Variants in OR8G5 observed in about 807,000 individuals in gnomAD.
OR8G5 encodes olfactory receptor family 8 subfamily G member 5, also known as olfactory receptor 8G5.
For missense variants in OR8G5, 347 were observed against 371.9 expected (o/e 0.93, Z 0.55); for synonymous variants, 147 against 147.7 (o/e 1.00, Z 0.03).
chr11:124,259,622 A>G (rs12807551), intron 1 of OR8G5, among the ~76,000 whole-genome samples: 55,407 of 151,860 alleles, frequency 0.36, 10,392 homozygotes, highest in East Asian at 0.47. Context: ...TTTGTTTTTC[A>G]TTATAATCAT....
At chr11:124,257,108 A>G (rs1213721873) in intron 1 of OR8G5, among the ~76,000 whole-genome samples, 1 of 152,234 alleles carries the variant, frequency 6.6e-6, no homozygotes, top group African/African-American at 2.4e-5. Context: ...GAAGCCAAAT[A>G]TTTCTCTCAC....
At chr11:124,261,906 A>G (rs920291535) in intron 1 of OR8G5, among the ~76,000 whole-genome samples, 2 of 151,978 alleles carry the variant, frequency 1.3e-5, no homozygotes, top group Admixed American at 6.6e-5. Context: ...TTTACTTTCT[A>G]TAATCCACGG....
At chr11:124,261,642 T>C (rs776918117) in intron 1 of OR8G5, among the ~76,000 whole-genome samples, 33 of 151,954 alleles carry the variant, frequency 2.2e-4, no homozygotes, top group Non-Finnish European at 4.0e-4. Flanking sequence ...AAAATATCAC[T>C]GTGCATATTA....
intron 1 of OR8G5, among the ~76,000 whole-genome samples, chr11:124,258,791 C>T (rs943807899): frequency 2.0e-5 from 3 of 152,078 alleles, no homozygotes; most frequent in Admixed American, 2.0e-4. Context: ...GCCCCAAGGA[C>T]TAAACACCAG....
rs544966592 is a variant in OR8G5 at position 124,262,019 on chromosome 11, G to A, written c.-14-2899G>A. ...TGACAAGTAGCTAAAGTAGGGCTGA[G>A]AGGGAAATTTATACCTTATATGCAC... On this transcript the variant is annotated intron_variant, in intron 1 of 1. Coordinates refer to ENST00000641992, the MANE Select transcript of OR8G5 (RefSeq NM_001005198.2). 2.7e-4 allele frequency among the ~76,000 whole-genome samples: 41 copies of A among 151,944 alleles called. 1 individual carries two copies. In the South Asian group the frequency reaches 7.5e-3, roughly 28 times the overall value.
chr11:124,262,168 A>G (rs920303735), intron 1 of OR8G5, among the ~76,000 whole-genome samples: 1 of 151,544 alleles, frequency 6.6e-6, no homozygotes, highest in African/African-American at 2.4e-5. Context: ...AATAATTTAA[A>G]TAAAAATAAA....
intron 1 of OR8G5, among the ~76,000 whole-genome samples, chr11:124,263,476 C>G (rs1861995028): frequency 6.7e-6 from 1 of 149,550 alleles, no homozygotes; most frequent in Non-Finnish European, 1.5e-5. Context: ...TTAGGTATAT[C>G]TCCTAATGCT....
intron 1 of OR8G5, among the ~76,000 whole-genome samples, chr11:124,262,874 G>T (rs1352588377): frequency 5.3e-5 from 8 of 152,056 alleles, no homozygotes; most frequent in African/African-American, 1.9e-4. Context: ...TTTAATGTCT[G>T]TTTAAGTTTA....
intron 1 of OR8G5, among the ~76,000 whole-genome samples, chr11:124,263,899 A>G (rs1360203258): frequency 6.6e-6 from 1 of 152,196 alleles, no homozygotes; most frequent in Non-Finnish European, 1.5e-5. Flanking sequence ...ACTGTTTAAC[A>G]GAAAGGGGAT....
rs1404879376 is a variant in OR8G5, at chr11:124,265,854, G to T, written c.923G>T (p.Arg308Ile). The T allele has an allele frequency of 6.2e-7, 1 of 1,610,758 alleles. No homozygotes were observed. The highest frequency in any genetic ancestry group is 1.3e-5 in the African/African-American group (1 of 74,924). The stretch of plus-strand genomic sequence containing the variant: ...GCCCTGAAGAAAACGCTAGGGAAAA[G>T]AACATTCTTATGAACAGAAGTACAA... ...HVALKKTLGK[R>I]TFL Residue 308 changes from arginine (R) to isoleucine (I), a missense_variant, in exon 2 of 2, where the codon AGA (arginine) becomes ATA (isoleucine). Transcript: ENST00000641992.
In OR8G5 at chr11:124,264,855, T is replaced by C. The variant is rs201865228; in HGVS notation, c.-14-63T>C. 316 of 1,594,480 alleles carry C rather than the reference T, an allele frequency of 2.0e-4. No homozygotes were observed. Among genetic ancestry groups the C allele is most frequent in the Non-Finnish European group, 2.6e-4 (303 of 1,164,258 alleles). On this transcript the variant is annotated intron_variant, in intron 1 of 1. Coordinates refer to ENST00000641992, the MANE Select transcript of OR8G5 (RefSeq NM_001005198.2). ...ATCATATATAAACAAGGGATCACTT[T>C]CCTACAAAAGGAGAATAACAATACA...
chr11:124,265,227 C>T lies in OR8G5; in HGVS notation c.296C>T (p.Thr99Ile). 1 of 1,614,028 alleles carries T rather than the reference C, an allele frequency of 6.2e-7. No homozygotes were observed. The highest frequency in any genetic ancestry group is 2.2e-5 in the East Asian group (1 of 44,880). ...KNIISYPECM[T>I]QLYFFLVFAI... ...ATCATCTCCTACCCTGAATGCATGA[C>T]TCAGCTCTACTTCTTCCTCGTTTTT... The change falls in exon 2 of 2, where the codon ACT becomes ATT. Residue 99 changes from threonine (T) to isoleucine (I), a missense_variant. By Grantham distance (89) the Thr-to-Ile change is moderately conservative. Transcript: ENST00000641992.
intron 1 of OR8G5, among the ~76,000 whole-genome samples, chr11:124,259,744 A>G (rs963927452): frequency 7.2e-5 from 11 of 152,274 alleles, no homozygotes; most frequent in African/African-American, 2.4e-4. Context: ...TTTGTGTTCA[A>G]ATATTTTCTT....
Position 124,265,029 on chromosome 11 carries a change from G to A in OR8G5, c.98G>A (p.Gly33Glu), listed in dbSNP as rs62622834. ...LQLPLFLVFL[G>E]IYVVTVLGNL... is the part of the protein sequence containing the mutation. ...CTGCCCCTCTTCCTCGTCTTCCTGG[G>A]AATCTATGTAGTCACAGTGCTGGGG... is the stretch of plus-strand genomic sequence containing the variant. Residue 33 changes from glycine (G) to glutamate (E), a missense_variant, in exon 2 of 2, where the codon GGA becomes GAA. Gly to Glu is a moderately conservative substitution (Grantham distance 98). Transcript: ENST00000641992. The A allele has an allele frequency of 3.2e-3, 5,214 of 1,614,050 alleles. 161 individuals carry two copies. The African/African-American group carries it at 0.062, about 19-fold the overall frequency.
intron 1 of OR8G5, among the ~76,000 whole-genome samples, chr11:124,260,170 C>CA (rs1370729388): frequency 1.7e-5 from 2 of 114,768 alleles, no homozygotes; most frequent in East Asian, 5.8e-4. Flanking sequence ...TTTTCATAGT[C>CA]ATGCATTTTT....
At position 124,265,772 on chromosome 11, in the gene OR8G5, G is replaced by T. The variant is rs768959879; in HGVS notation, c.841G>T (p.Val281Phe). 4 of 1,613,978 alleles carry T rather than the reference G, an allele frequency of 2.5e-6. No homozygotes were observed. Among genetic ancestry groups the T allele is most frequent in the African/African-American group, 1.3e-5 (1 of 74,904 alleles). The stretch of plus-strand genomic sequence containing the variant: ...AGTGTCCTCTGTGTTTTATACTATT[G>T]TTGTGCCCATGCTGAACCCCCTGAT... ...GKVSSVFYTI[V>F]VPMLNPLIYS... The change falls in exon 2 of 2, where the codon GTT becomes TTT. Residue 281 changes from valine to phenylalanine, a missense_variant. Val to Phe is a conservative substitution (Grantham distance 50). Transcript: ENST00000641992.
In OR8G5 at chr11:124,265,739, CA is replaced by C. The variant is rs774564152; in HGVS notation, c.809del (p.Gln270ArgfsTer16). On this transcript the variant is annotated frameshift_variant, in exon 2 of 2. Coordinates refer to ENST00000641992, the MANE Select transcript of OR8G5 (RefSeq NM_001005198.2). LOFTEE classifies it low-confidence loss of function (END_TRUNC). ...GCCATCATCTGTCAGCTCCATGGAC[CA>C]GGGGAAAGTGTCCTCTGTGTTTTAT... is the stretch of plus-strand genomic sequence containing the variant. ...LQPSSVSSMD[Q>X]GKVSSVFYTI... 1.6e-5 allele frequency: 26 copies of C among 1,614,094 alleles called. No individual in the cohort carries two copies. In the South Asian group the frequency reaches 2.6e-4, roughly 16 times the overall value.
At chr11:124,263,539 C>T (rs913833294) in intron 1 of OR8G5, among the ~76,000 whole-genome samples, 1 of 140,832 alleles carries the variant, frequency 7.1e-6, no homozygotes, top group Non-Finnish European at 1.5e-5. Flanking sequence ...TGATGTTCCC[C>T]TTCCTGTGTC....
chr11:124,263,183 T>C (rs1410169098), intron 1 of OR8G5, among the ~76,000 whole-genome samples: 1 of 152,120 alleles, frequency 6.6e-6, no homozygotes, highest in Non-Finnish European at 1.5e-5. Flanking sequence ...TGTGTACTAT[T>C]ATTTGCATAT....
Sources: gnomAD v4.1 joint callset for allele counts (sites outside exome capture counted in the v4.1 genomes callset) on GRCh38, gnomAD v4.1.1 for gene constraint, MANE v1.5 for transcripts, NCBI Gene and HGNC (gene_info 2026-07-23, HGNC 2026-07-21) for gene names.